Variants in TMEM131 observed in about 807,000 individuals in gnomAD.
The protein encoded by TMEM131 is 2610524E03Rik.
TMEM131 carries 66 observed loss-of-function variants against 211.6 expected under a neutral mutation model. The observed-to-expected ratio is 0.31, with a 90% confidence interval of 0.26 to 0.38. The LOEUF (loss-of-function observed/expected upper bound fraction) is 0.38, where lower values mean the gene tolerates loss of function less well. Ranked by LOEUF, TMEM131 falls within the 10% of genes least tolerant of loss-of-function variation. TMEM131 has a pLI of 1.00. For missense variants in TMEM131, 2,036 were observed against 2,299.3 expected (o/e 0.89, Z 2.34); for synonymous variants, 844 against 841.3 (o/e 1.00, Z -0.06).
intron 11 of TMEM131, among the ~76,000 whole-genome samples, chr2:97,823,282 G>C (rs976829917): frequency 2.6e-5 from 4 of 152,096 alleles, no homozygotes; most frequent in African/African-American, 9.7e-5. Context: ...TCCCCTTCAA[G>C]CTGTAGGGGG....
chr2:97,948,069 A>C (rs1242986215), intron 1 of TMEM131, among the ~76,000 whole-genome samples: 1 of 152,230 alleles, frequency 6.6e-6, no homozygotes, highest in Non-Finnish European at 1.5e-5. Context: ...AAGAGCTAAA[A>C]TTCTAAAGTT....
At chr2:97,884,045 T>A (rs1180278253) in intron 4 of TMEM131, among the ~76,000 whole-genome samples, 1 of 150,840 alleles carries the variant, frequency 6.6e-6, no homozygotes, top group Non-Finnish European at 1.5e-5. Context: ...AGTTTTTTGA[T>A]GTAGGATTTA....
intron 1 of TMEM131, among the ~76,000 whole-genome samples, chr2:97,960,851 C>T (rs1326564701): frequency 6.6e-6 from 1 of 151,628 alleles, no homozygotes; most frequent in Non-Finnish European, 1.5e-5. Context: ...AGAGTTAATA[C>T]CAGAAAAGCA....
chr2:97,972,891 A>G (rs1679368739), intron 1 of TMEM131, among the ~76,000 whole-genome samples: 2 of 152,294 alleles, frequency 1.3e-5, no homozygotes, highest in African/African-American at 2.4e-5. Flanking sequence ...GGAAAACTCA[A>G]GCCAACAAAT....
At chr2:97,995,424 G>T in intron 1 of TMEM131, 52 bp downstream of exon 1, 4 of 1,310,564 alleles carry the variant, frequency 3.1e-6, no homozygotes, top group Non-Finnish European at 1.9e-6. Flanking sequence ...CCCGGCCTCC[G>T]CGAGAGCGGG....
At chr2:97,900,889 G>A (rs1488000272) in intron 3 of TMEM131, among the ~76,000 whole-genome samples, 1 of 151,894 alleles carries the variant, frequency 6.6e-6, no homozygotes, top group Non-Finnish European at 1.5e-5. Flanking sequence ...GTTATCTTTT[G>A]TCTTTTTGAT....
intron 19 of TMEM131, among the ~76,000 whole-genome samples, chr2:97,808,874 G>T (rs1211998109): frequency 6.6e-6 from 1 of 152,184 alleles, no homozygotes; most frequent in African/African-American, 2.4e-5. Flanking sequence ...AATCTTGAAA[G>T]ACACGCAGGA....
rs1174632768 is a variant in TMEM131, at chr2:97,761,024, A to G, written c.4890-110T>C. Reference sequence around the variant, plus strand: ...TGAGTGGGCTTCTCTGCAGCGGGGCAGCTCACAGAGCATCGCTCAGCCTCA... The same window carrying G: ...TGAGTGGGCTTCTCTGCAGCGGGGCGGCTCACAGAGCATCGCTCAGCCTCA... On this transcript the variant is annotated intron_variant, in intron 36 of 40. Coordinates refer to ENST00000186436, the MANE Select transcript of TMEM131 (RefSeq NM_015348.2). The G allele has an allele frequency of 5.5e-5, 78 of 1,425,530 alleles. No individual in the cohort carries two copies. The South Asian group carries it at 9.1e-4, about 17-fold the overall frequency. The allele number at this position is 1,425,530 out of a possible 1,614,324, so 88.3% of individuals were successfully genotyped here. A position where few individuals can be genotyped will look rare whatever the true frequency, so the allele number is the denominator to read the frequency against.
At chr2:97,783,229 T>G (rs1309689571) in intron 31 of TMEM131, among the ~76,000 whole-genome samples, 1 of 152,118 alleles carries the variant, frequency 6.6e-6, no homozygotes, top group Non-Finnish European at 1.5e-5. Flanking sequence ...GAAAATATCC[T>G]TCAGGAATAT....
intron 2 of TMEM131, among the ~76,000 whole-genome samples, chr2:97,924,074 C>T (rs1676870746): frequency 7.0e-6 from 1 of 143,788 alleles, no homozygotes; most frequent in African/African-American, 2.5e-5. Context: ...AGCGAGACCC[C>T]ATCTCAAAAA....
chr2:97,802,868 T>A, intron 22 of TMEM131, 78 bp from the exon 23 acceptor site: 1 of 1,288,158 alleles, frequency 7.8e-7, no homozygotes, highest in Non-Finnish European at 1.0e-6. Context: ...CAATTAGGCT[T>A]ATGTACTTGA....
In TMEM131 at chr2:97,820,094, G is replaced by T. The variant is rs538067635; in HGVS notation, c.1075-1373C>A. 2.0e-5 allele frequency among the ~76,000 whole-genome samples: 3 copies of T among 152,318 alleles called. No individual in the cohort carries two copies. The South Asian group carries it at 6.2e-4, about 32-fold the overall frequency. ...CTGTCAGCAAGTGTTCGTTCACAGG[G>T]TCTGAAATGAAGGCCCTAAGGATGG... is the stretch of plus-strand genomic sequence containing the variant. On this transcript the variant is annotated intron_variant, in intron 11 of 40. Coordinates refer to ENST00000186436, the MANE Select transcript of TMEM131 (RefSeq NM_015348.2).
chr2:97,965,258 C>A (rs562248169), intron 1 of TMEM131, among the ~76,000 whole-genome samples: 5 of 152,308 alleles, frequency 3.3e-5, no homozygotes, highest in African/African-American at 9.6e-5. Context: ...TATTGAATGA[C>A]TGACGAGTTC....
At chr2:97,836,049 C>A (rs1168849769) in intron 8 of TMEM131, among the ~76,000 whole-genome samples, 1 of 152,142 alleles carries the variant, frequency 6.6e-6, no homozygotes, top group Non-Finnish European at 1.5e-5. Flanking sequence ...TGAATTTAAT[C>A]CTCTGAAGGA....
At chr2:97,778,236 C>T (rs1219253005) in intron 31 of TMEM131, among the ~76,000 whole-genome samples, 2 of 152,152 alleles carry the variant, frequency 1.3e-5, no homozygotes, top group Non-Finnish European at 2.9e-5. Flanking sequence ...AAATACCTAA[C>T]ATAACAATAG....
intron 3 of TMEM131, among the ~76,000 whole-genome samples, chr2:97,900,868 G>A (rs750688481): frequency 6.6e-6 from 1 of 151,888 alleles, no homozygotes; most frequent in Non-Finnish European, 1.5e-5. Context: ...ACACATTCTT[G>A]GTCAATATTT....
chr2:97,863,473 G>A (rs986970174), intron 4 of TMEM131, among the ~76,000 whole-genome samples: 3 of 152,152 alleles, frequency 2.0e-5, no homozygotes, highest in Non-Finnish European at 4.4e-5. Flanking sequence ...CACAGAATGG[G>A]AGGAAATATT....
In TMEM131 at chr2:97,981,107, C is replaced by T. The variant is rs889415890; in HGVS notation, c.187+14369G>A. On this transcript the variant is annotated intron_variant, in intron 1 of 40. Coordinates refer to ENST00000186436, the MANE Select transcript of TMEM131 (RefSeq NM_015348.2). ...TAAGGTAGCTATCCACACACATACA[C>T]TCTTTATAACCTTGCTGCTTTCATT... Among the ~76,000 whole-genome samples the T allele has an allele frequency of 2.2e-5, 3 of 135,228 alleles. No homozygotes were observed. The Admixed American group carries it at 2.3e-4, about 10-fold the overall frequency. The allele number at this position is 135,228 out of a possible 152,430, so 88.7% of individuals were successfully genotyped here.
chr2:97,944,808 A>G (rs1677956147), intron 1 of TMEM131, among the ~76,000 whole-genome samples: 1 of 152,246 alleles, frequency 6.6e-6, no homozygotes, highest in South Asian at 2.1e-4. Context: ...AAAAGACAAC[A>G]ATAAGCATTG....
Sources: gnomAD v4.1 joint callset for allele counts (sites outside exome capture counted in the v4.1 genomes callset) on GRCh38, gnomAD v4.1.1 for gene constraint, MANE v1.5 for transcripts, NCBI Gene and HGNC (gene_info 2026-07-23, HGNC 2026-07-21) for gene names.